The following PEBP4 variants were observed in gnomAD, a reference collection of about 807,000 sequenced individuals.
The protein encoded by PEBP4 is phosphatidylethanolamine binding protein 4.
In PEBP4, 22 loss-of-function variants were observed where a neutral mutation model predicts 23.9. The ratio of observed to expected loss-of-function variants is 0.92; its 90% confidence interval spans 0.66 to 1.31. The LOEUF (loss-of-function observed/expected upper bound fraction) is 1.31. Among genes scored for constraint, PEBP4 ranks in the 40% most tolerant of loss-of-function variants. The probability of loss-of-function intolerance (pLI) is 0.00; values close to 1 mark genes in which losing one functional copy is unlikely to be tolerated. For missense variants in PEBP4, 324 were observed against 281.7 expected (o/e 1.15, Z -1.07); for synonymous variants, 112 against 99.3 (o/e 1.13, Z -0.76).
At chr8:22,807,131 G>T (rs547666837) in intron 4 of PEBP4, among the ~76,000 whole-genome samples, 3 of 152,304 alleles carry the variant, frequency 2.0e-5, no homozygotes, top group Non-Finnish European at 2.9e-5. Flanking sequence ...GCAAATCTAA[G>T]CTCTTTCTGG....
chr8:22,755,207 A>G (rs1188580997), intron 4 of PEBP4, among the ~76,000 whole-genome samples: 1 of 152,016 alleles, frequency 6.6e-6, no homozygotes, highest in African/African-American at 2.4e-5. Flanking sequence ...ATGTTTCTCA[A>G]GCTTCTGCTC....
At chr8:22,909,591 G>T (rs1808891320) in intron 3 of PEBP4, among the ~76,000 whole-genome samples, 1 of 152,054 alleles carries the variant, frequency 6.6e-6, no homozygotes, top group African/African-American at 2.4e-5. Context: ...TTCTTCCCAG[G>T]GCCTGGAGCA....
At chr8:22,800,526 A>G (rs1323910300) in intron 4 of PEBP4, among the ~76,000 whole-genome samples, 1 of 151,990 alleles carries the variant, frequency 6.6e-6, no homozygotes, top group Non-Finnish European at 1.5e-5. Context: ...TTTACTCTTC[A>G]TGGCAAAGGA....
Position 22,763,719 on chromosome 8 carries a change from C to T in PEBP4, c.358-36499G>A, listed in dbSNP as rs183754696. On this transcript the variant is annotated intron_variant, in intron 4 of 6. Coordinates refer to ENST00000256404, the MANE Select transcript of PEBP4 (RefSeq NM_144962.3). ...TTGTTAGAAAGTTTGCCTTCTCAAC[C>T]GAGCTCTTTCTCCCCCAAACAACTA... Among the ~76,000 whole-genome samples the T allele has an allele frequency of 6.6e-5, 10 of 152,286 alleles. No homozygotes were observed. In the East Asian group the frequency reaches 1.3e-3, roughly 21 times the overall value.
rs74988628 is a variant in PEBP4 at position 22,737,481 on chromosome 8, T to C, written c.358-10261A>G. On this transcript the variant is annotated intron_variant, in intron 4 of 6. Transcript: ENST00000256404. ...CGCCATGGTCTTTACGTGAGTTAGT[T>C]CACTCAGATCCCCGCCCTCCAGGAA... Among the ~76,000 whole-genome samples the C allele has an allele frequency of 1.3e-3, 204 of 152,182 alleles. 2 individuals carry two copies. In the East Asian group the frequency reaches 0.038, roughly 28 times the overall value.
intron 3 of PEBP4, among the ~76,000 whole-genome samples, chr8:22,868,871 T>C (rs371837531): frequency 1.3e-5 from 2 of 152,206 alleles, no homozygotes; most frequent in African/African-American, 2.4e-5. Context: ...GTTTTCAACA[T>C]GGTGGCCAGA....
intron 3 of PEBP4, among the ~76,000 whole-genome samples, chr8:22,819,127 A>G (rs985887514): frequency 6.6e-6 from 1 of 152,080 alleles, no homozygotes; most frequent in Admixed American, 6.6e-5. Flanking sequence ...TGGCCTTTAA[A>G]TCAGTAGAGC....
chr8:22,937,635 A>T (rs1585164678), intron 1 of PEBP4, among the ~76,000 whole-genome samples: 1 of 152,218 alleles, frequency 6.6e-6, no homozygotes. Flanking sequence ...AACAGTCTTG[A>T]AAAGAAAACA....
chr8:22,799,863 G>C (rs7014254), intron 4 of PEBP4, among the ~76,000 whole-genome samples: 96,132 of 152,002 alleles, frequency 0.63, 30,642 homozygotes, highest in South Asian at 0.71. Flanking sequence ...GGTATATACT[G>C]AAAGGATTAT....
intron 3 of PEBP4, among the ~76,000 whole-genome samples, chr8:22,823,575 A>G (rs766275776): frequency 2.0e-4 from 31 of 151,966 alleles, no homozygotes; most frequent in Non-Finnish European, 3.5e-4. Flanking sequence ...ATATATTTGC[A>G]TATGCATAGA....
At chr8:22,800,457 G>C (rs573663260) in intron 4 of PEBP4, among the ~76,000 whole-genome samples, 20 of 152,160 alleles carry the variant, frequency 1.3e-4, no homozygotes, top group Admixed American at 2.0e-4. Context: ...AGGATGCAGG[G>C]AAGCATCCCT....
intron 4 of PEBP4, among the ~76,000 whole-genome samples, chr8:22,787,062 A>G (rs7815846): frequency 0.14 from 21,010 of 152,188 alleles, 1,598 homozygotes; most frequent in Middle Eastern, 0.19. Flanking sequence ...GGCTCAAGCA[A>G]TCTTCCTGCC....
At chr8:22,882,892 A>G (rs1808293456) in intron 3 of PEBP4, among the ~76,000 whole-genome samples, 1 of 152,092 alleles carries the variant, frequency 6.6e-6, no homozygotes, top group Non-Finnish European at 1.5e-5. Flanking sequence ...AATGATTCAT[A>G]CTAACCAACC....
chr8:22,875,507 G>GT (rs1263536707), intron 3 of PEBP4, among the ~76,000 whole-genome samples: 1 of 152,084 alleles, frequency 6.6e-6, no homozygotes, highest in African/African-American at 2.4e-5. Flanking sequence ...CCCAGTGTCT[G>GT]TTGTTCTGAG....
At chr8:22,797,497 C>T (rs1806288660) in intron 4 of PEBP4, among the ~76,000 whole-genome samples, 1 of 151,960 alleles carries the variant, frequency 6.6e-6, no homozygotes, top group African/African-American at 2.4e-5. Flanking sequence ...GATGTGGTGG[C>T]CTTTAAGCAG....
rs1451523273 is a variant in PEBP4, at chr8:22,817,739, T to C, written c.259-4A>G. The stretch of plus-strand genomic sequence containing the variant: ...TCACCAGGATATAGGTTGCGCCCTG[T>C]AACACATGTACCGAAAAGTAATGTA... On this transcript the variant is annotated splice_region_variant and splice_polypyrimidine_tract_variant and intron_variant, in intron 3 of 6. Coordinates refer to ENST00000256404, the MANE Select transcript of PEBP4 (RefSeq NM_144962.3). 6.2e-7 allele frequency: 1 copy of C among 1,613,362 alleles called. No homozygotes were observed. Among genetic ancestry groups the C allele is most frequent in the Non-Finnish European group, 8.5e-7 (1 of 1,179,398 alleles).
intron 4 of PEBP4, among the ~76,000 whole-genome samples, chr8:22,815,957 G>A (rs1242015932): frequency 6.6e-6 from 1 of 152,188 alleles, no homozygotes; most frequent in Non-Finnish European, 1.5e-5. Flanking sequence ...CCTCAGGACC[G>A]CCGAGCAGAG....
intron 3 of PEBP4, among the ~76,000 whole-genome samples, chr8:22,897,085 G>A (rs1163869997): frequency 2.6e-5 from 4 of 151,920 alleles, no homozygotes; most frequent in Admixed American, 6.6e-5. Flanking sequence ...ACGGCTTAGC[G>A]TAGACATTGA....
chr8:22,848,318 A>G (rs1807481971), intron 3 of PEBP4, among the ~76,000 whole-genome samples: 1 of 152,052 alleles, frequency 6.6e-6, no homozygotes, highest in Non-Finnish European at 1.5e-5. Flanking sequence ...TGGATTTGTG[A>G]GGAGTAGGGA....
Sources: allele counts gnomAD v4.1 joint callset (sites outside exome capture counted in the v4.1 genomes callset), GRCh38; gene constraint gnomAD v4.1.1; transcripts MANE v1.5; gene names NCBI Gene and HGNC (gene_info 2026-07-23, HGNC 2026-07-21).